The following HCRTR2 variants were observed in gnomAD, a reference collection of about 807,000 sequenced individuals.
The protein encoded by HCRTR2 is hypocretin receptor 2.
A neutral mutation model predicts 49.0 loss-of-function variants in HCRTR2; 22 were observed. The ratio of observed to expected loss-of-function variants is 0.45; its 90% CI spans 0.32 to 0.64. The LOEUF (loss-of-function observed/expected upper bound fraction) is 0.64, where lower values mean the gene tolerates loss of function less well. Among genes scored for constraint, HCRTR2 ranks in the 30% least tolerant of loss-of-function variants. HCRTR2 has a pLI of 0.04. For synonymous variants in HCRTR2, 236 were observed against 205.3 expected (o/e 1.15, Z -1.28); for missense variants, 491 against 559.4 (o/e 0.88, Z 1.23).
chr6:55,187,863 G>A (rs1298555999), intron 1 of HCRTR2, among the ~76,000 whole-genome samples: 6 of 152,086 alleles, frequency 3.9e-5, no homozygotes, highest in East Asian at 1.9e-4. Context: ...TGCAAGCTCC[G>A]CCTCCCGGGT....
At chr6:55,274,027 C>A (rs1395382760) in intron 4 of HCRTR2, among the ~76,000 whole-genome samples, 4 of 151,582 alleles carry the variant, frequency 2.6e-5, no homozygotes, top group Admixed American at 2.6e-4. Flanking sequence ...TATTCCAGGT[C>A]TTTTGCACTT....
intron 1 of HCRTR2, among the ~76,000 whole-genome samples, chr6:55,185,068 G>T: frequency 6.6e-6 from 1 of 152,132 alleles, no homozygotes; most frequent in East Asian, 1.9e-4. Context: ...AAATGCTTAA[G>T]AAACCATTTT....
intron 1 of HCRTR2, among the ~76,000 whole-genome samples, chr6:55,130,221 T>A (rs1764335353): frequency 6.6e-6 from 1 of 152,058 alleles, no homozygotes; most frequent in South Asian, 2.1e-4. Context: ...GCTTCCTACC[T>A]GATCTCTTCA....
chr6:55,275,570 G>A (rs1469095536), intron 4 of HCRTR2, among the ~76,000 whole-genome samples: 2 of 148,850 alleles, frequency 1.3e-5, no homozygotes, highest in Admixed American at 6.7e-5. Context: ...TTTTTTTCCC[G>A]ATTTCAGGGA....
In HCRTR2 at chr6:55,174,612, T is replaced by C. The variant is rs775598488; in HGVS notation, c.25T>C (p.Ser9Pro). 2.5e-6 allele frequency: 4 copies of C among 1,613,420 alleles called. No individual in the cohort carries two copies. In the African/African-American group the frequency reaches 5.4e-5, roughly 22 times the overall value. MSGTKLEDSPPCRNWSSAS... is the reference protein window; with the variant it reads MSGTKLEDPPPCRNWSSAS... Reference sequence around the variant, plus strand: ...GATGTCCGGCACCAAATTGGAGGACTCCCCCCCTTGTCGCAACTGGTCATC... The same window carrying C: ...GATGTCCGGCACCAAATTGGAGGACCCCCCCCCTTGTCGCAACTGGTCATC... The change falls in exon 1 of 7, where the codon TCC becomes CCC. Residue 9 changes from serine (S) to proline (P), a missense_variant. By Grantham distance (74) the Ser-to-Pro change is moderately conservative. Coordinates refer to ENST00000370862, the MANE Select transcript of HCRTR2 (RefSeq NM_001384272.1).
Position 55,194,571 on chromosome 6 carries a change from G to A in HCRTR2, c.223+19761G>A, listed in dbSNP as rs547424762. Among the ~76,000 whole-genome samples the A allele has an allele frequency of 1.4e-4, 21 of 152,174 alleles. No individual in the cohort carries two copies. The East Asian group carries it at 3.7e-3, about 27-fold the overall frequency. On this transcript the variant is annotated intron_variant, in intron 1 of 6. Coordinates refer to ENST00000370862, the MANE Select transcript of HCRTR2 (RefSeq NM_001384272.1). The stretch of plus-strand genomic sequence containing the variant: ...TGCTGACTAATCCTTAATTATAGGT[G>A]TGATTTCTACTTCACCATCAATACT...
At chr6:55,250,753 A>T (rs1766533644) in intron 2 of HCRTR2, among the ~76,000 whole-genome samples, 1 of 152,128 alleles carries the variant, frequency 6.6e-6, no homozygotes, top group Non-Finnish European at 1.5e-5. Context: ...CTATTTAACA[A>T]GTCCTACAGT....
At chr6:55,248,452 T>G (rs1387567672) in intron 1 of HCRTR2, among the ~76,000 whole-genome samples, 187 bp from the exon 2 acceptor site, 2 of 152,072 alleles carry the variant, frequency 1.3e-5, no homozygotes, top group African/African-American at 2.4e-5. Flanking sequence ...GCAAGGTAAA[T>G]GAACTGATTT....
intron 1 of HCRTR2, among the ~76,000 whole-genome samples, chr6:55,202,748 G>A (rs1765532901): frequency 1.1e-5 from 1 of 90,158 alleles, no homozygotes; most frequent in Non-Finnish European, 2.1e-5. Flanking sequence ...TTAGGGATTA[G>A]GTTTCAACAA....
rs35672965 is a variant in HCRTR2, at chr6:55,168,732, A to AT, written c.-377-5469dup. Among the ~76,000 whole-genome samples the AT allele has an allele frequency of 2.5e-3, 369 of 150,432 alleles. 2 individuals are homozygous for AT. The highest frequency in any genetic ancestry group is 8.3e-3 in the African/African-American group (339 of 40,946). On this transcript the variant is annotated intron_variant, in intron 1 of 7. Coordinates refer to the HCRTR2 transcript ENST00000615358. ...AGACACATGCCACCATGCCTGGGTA[A>AT]TTTTTTTTTTAAGTTTTTCATAGAA...
Position 55,280,345 on chromosome 6 carries a change from A to G in HCRTR2, c.1006A>G (p.Thr336Ala), listed in dbSNP as rs772142372. Residue 336 changes from threonine to alanine, a missense_variant, in exon 6 of 7, where the codon ACT becomes GCT. Thr to Ala is a moderately conservative substitution (Grantham distance 58). Coordinates refer to ENST00000370862, the MANE Select transcript of HCRTR2 (RefSeq NM_001384272.1). ...CAGAGTATTTGGGATGTTTGCCCAT[A>G]CTGAAGACAGAGAGACTGTGTATGC... ...LKRVFGMFAH[T>A]EDRETVYAWF... The G allele has an allele frequency of 1.2e-6, 2 of 1,609,960 alleles. No homozygotes were observed. The highest frequency in any genetic ancestry group is 1.7e-6 in the Non-Finnish European group (2 of 1,176,344).
chr6:55,172,882 T>A (rs901204733), upstream of HCRTR2, among the ~76,000 whole-genome samples: 2 of 152,212 alleles, frequency 1.3e-5, no homozygotes, highest in African/African-American at 4.8e-5. Flanking sequence ...CTTGTGTGTG[T>A]TGAAAAAATA....
At chr6:55,134,001 T>A (rs538009390) in intron 1 of HCRTR2, among the ~76,000 whole-genome samples, 2 of 152,020 alleles carry the variant, frequency 1.3e-5, no homozygotes, top group East Asian at 1.9e-4. Context: ...TAAATGAAAT[T>A]GTCCTAATGA....
Position 55,282,563 on chromosome 6 carries a change from C to A in HCRTR2, c.*109C>A. The A allele has an allele frequency of 3.6e-6, 2 of 552,044 alleles. No homozygotes were observed. The highest frequency in any genetic ancestry group is 2.2e-5 in the South Asian group (1 of 46,442). The allele number at this position is 552,044 out of a possible 1,614,324, so 34.2% of individuals were successfully genotyped here. ...TGTGAAGCTAAAATTACTTGTGGAT[C>A]TTTTTTTTTTTTAATCTATTGCTCT... On this transcript the variant is annotated 3_prime_UTR_variant, in exon 7 of 7. Transcript: ENST00000370862.
At chr6:55,203,105 C>G (rs1035398438) in intron 1 of HCRTR2, among the ~76,000 whole-genome samples, 3 of 152,152 alleles carry the variant, frequency 2.0e-5, no homozygotes, top group Non-Finnish European at 4.4e-5. Flanking sequence ...TAATTAGGAA[C>G]CCCTCTCTAA....
chr6:55,259,909 G>C (rs1225269336), intron 3 of HCRTR2, among the ~76,000 whole-genome samples: 1 of 152,064 alleles, frequency 6.6e-6, no homozygotes, highest in Non-Finnish European at 1.5e-5. Flanking sequence ...TGGCATATCT[G>C]AGTTTTTAAT....
intron 1 of HCRTR2, among the ~76,000 whole-genome samples, chr6:55,142,363 ATTTTTTTT>A (rs60317937): frequency 3.9e-5 from 5 of 127,678 alleles, no homozygotes; most frequent in African/African-American, 1.5e-4. Context: ...CGCCCTGTTA[ATTTTTTTT>A]TTTTTTTTTT....
chr6:55,205,036 C>G (rs567981569), intron 1 of HCRTR2, among the ~76,000 whole-genome samples: 1 of 152,114 alleles, frequency 6.6e-6, no homozygotes, highest in Admixed American at 6.6e-5. Context: ...CCTCAGACTC[C>G]CAAAGTTCTG....
At chr6:55,149,464 A>G (rs1270406980) in intron 1 of HCRTR2, among the ~76,000 whole-genome samples, 1 of 152,126 alleles carries the variant, frequency 6.6e-6, no homozygotes, top group Non-Finnish European at 1.5e-5. Flanking sequence ...ATTAATATTT[A>G]CTGTGCTTTC....
Sources: allele counts gnomAD v4.1 joint callset (sites outside exome capture counted in the v4.1 genomes callset), GRCh38; gene constraint gnomAD v4.1.1; transcripts MANE v1.5; gene names NCBI Gene and HGNC (gene_info 2026-07-23, HGNC 2026-07-21).